ATP6V0A1: variants seen among roughly 807,000 people sequenced by gnomAD.
ATP6V0A1 encodes the protein ATPase H+ transporting V0 subunit a1.
ATP6V0A1 carries 43 observed loss-of-function variants against 105.4 expected under a neutral mutation model. The ratio of observed to expected loss-of-function variants is 0.41; its 90% CI spans 0.32 to 0.53. The LOEUF (loss-of-function observed/expected upper bound fraction) is 0.53, where lower values mean the gene tolerates loss of function less well. Ranked by LOEUF, ATP6V0A1 falls within the 20% of genes least tolerant of loss-of-function variation. The pLI is 0.30. For synonymous variants in ATP6V0A1, 362 were observed against 372.8 expected (o/e 0.97, Z 0.33); for missense variants, 676 against 1,051.1 (o/e 0.64, Z 4.93).
chr17:42,508,545 C>A (rs200867534), intron 18 of ATP6V0A1, 27 bp from the exon 19 acceptor site: 15 of 1,613,870 alleles, frequency 9.3e-6, no homozygotes, highest in Non-Finnish European at 1.1e-5. Context: ...CGTGGCTCCC[C>A]ACTAAGTGTA....
intron 19 of ATP6V0A1, chr17:42,510,273 T>TATG (rs1228769112): frequency 6.6e-6 from 1 of 152,120 alleles, no homozygotes; most frequent in Admixed American, 6.6e-5. Flanking sequence ...TGTCCAGCAC[T>TATG]ATGTATAGTG....
intron 17 of ATP6V0A1, 140 bp from the exon 18 acceptor site, chr17:42,507,380 C>G: frequency 1.6e-6 from 1 of 620,668 alleles, no homozygotes; most frequent in South Asian, 1.9e-5. Context: ...TTTTACTTAG[C>G]CGTTCAGTCA....
intron 2 of ATP6V0A1, among the ~76,000 whole-genome samples, chr17:42,465,167 T>A (rs1178054640): frequency 6.6e-6 from 1 of 151,866 alleles, no homozygotes; most frequent in Non-Finnish European, 1.5e-5. Flanking sequence ...TAATTTTTTG[T>A]ATTTTTAGTT....
intron 20 of ATP6V0A1, 45 bp from the exon 21 acceptor site, chr17:42,514,244 G>T (rs539531987): frequency 2.6e-6 from 4 of 1,540,590 alleles, no homozygotes; most frequent in Non-Finnish European, 2.6e-6. Context: ...GCCTACAGCT[G>T]CCTCTTGCCA....
chr17:42,495,292 G>C, intron 13 of ATP6V0A1, 104 bp downstream of exon 13: 1 of 1,237,188 alleles, frequency 8.1e-7, no homozygotes. Context: ...AGTGGTGACA[G>C]TGTCTCCTCA....
intron 11 of ATP6V0A1, among the ~76,000 whole-genome samples, chr17:42,494,069 C>A (rs959445968): frequency 6.6e-6 from 1 of 151,922 alleles, no homozygotes; most frequent in Non-Finnish European, 1.5e-5. Flanking sequence ...ATGGTGAAAC[C>A]CTGTCTCTAC....
At chr17:42,482,800 G>C (rs1428431366) in intron 8 of ATP6V0A1, among the ~76,000 whole-genome samples, 2 of 151,416 alleles carry the variant, frequency 1.3e-5, no homozygotes, top group Non-Finnish European at 2.9e-5. Flanking sequence ...GGAAGGCTGA[G>C]GCAGAAGAAT....
intron 5 of ATP6V0A1, among the ~76,000 whole-genome samples, chr17:42,474,634 A>G (rs1490014368): frequency 2.0e-5 from 3 of 152,184 alleles, no homozygotes; most frequent in African/African-American, 7.2e-5. Flanking sequence ...GGACCCTCAA[A>G]TGTTGGAAAC....
At chr17:42,501,895 G>A (rs1445883002) in intron 17 of ATP6V0A1, among the ~76,000 whole-genome samples, 7 of 152,118 alleles carry the variant, frequency 4.6e-5, no homozygotes, top group South Asian at 4.2e-4. Flanking sequence ...TTAGCCAAGC[G>A]TGTTGGCGCG....
intron 17 of ATP6V0A1, among the ~76,000 whole-genome samples, chr17:42,506,841 G>A (rs1197555970): frequency 6.6e-6 from 1 of 152,180 alleles, no homozygotes; most frequent in African/African-American, 2.4e-5. Context: ...CCCCATCAGC[G>A]TCTGCCCACG....
intron 2 of ATP6V0A1, among the ~76,000 whole-genome samples, chr17:42,464,429 G>A (rs755801754): frequency 4.6e-5 from 7 of 151,240 alleles, no homozygotes; most frequent in Non-Finnish European, 8.8e-5. Flanking sequence ...TTGAGACTGA[G>A]TCTAGTTCTG....
Position 42,478,470 on chromosome 17 carries a change from G to C in ATP6V0A1, c.514G>C (p.Ala172Pro), listed in dbSNP as rs2089049641. ...TGCCTCTTCTCCCCACAGCTTCGTG[G>C]CTGGTGTCATTAACCGGGAGCGCAT... ...RGTPLRLGFV[A>P]GVINRERIPT... The change falls in exon 7 of 22, where the codon GCT becomes CCT. Residue 172 changes from alanine to proline, a missense_variant. By Grantham distance (27) the Ala-to-Pro change is conservative. Around this residue, in one of 3 missense-constraint regions of ATP6V0A1, gnomAD observed 239 missense variants for 388.4 expected, o/e 0.62. Coordinates refer to ENST00000343619, the MANE Select transcript of ATP6V0A1 (RefSeq NM_001130021.3). The C allele has an allele frequency of 1.2e-6, 2 of 1,602,662 alleles. No individual in the cohort carries two copies. Among genetic ancestry groups the C allele is most frequent in the Non-Finnish European group, 1.7e-6 (2 of 1,173,190 alleles).
At chr17:42,473,394 A>C (rs182314099) in intron 5 of ATP6V0A1, among the ~76,000 whole-genome samples, 2 of 152,364 alleles carry the variant, frequency 1.3e-5, no homozygotes, top group Admixed American at 1.3e-4. Context: ...ATTGTGAGAC[A>C]CAAGATGAGT....
At chr17:42,498,783 G>C in intron 14 of ATP6V0A1, 141 bp from the exon 15 acceptor site, 1 of 526,502 alleles carries the variant, frequency 1.9e-6, no homozygotes. Flanking sequence ...CTGAGATCAC[G>C]CCACTGCACT....
At chr17:42,494,828 T>G in intron 12 of ATP6V0A1, 2 of 538,406 alleles carry the variant, frequency 3.7e-6, no homozygotes, top group South Asian at 8.4e-5. Flanking sequence ...CAGTAACTTT[T>G]GTGCCAACCT....
At position 42,478,217 on chromosome 17, in the gene ATP6V0A1, G is replaced by C. The variant is rs957093076; in HGVS notation, c.507-246G>C. Among the ~76,000 whole-genome samples, 3 of 127,440 alleles carry C rather than the reference G, an allele frequency of 2.4e-5. No homozygotes were observed. The South Asian group carries it at 9.0e-4, about 38-fold the overall frequency. The allele number at this position is 127,440 out of a possible 152,430, so 83.6% of individuals were successfully genotyped here. ...CACACACCGGGGCCTGTTGTGGGGT[G>C]GGGGGAGGGGGGAGGGAGAGCATTA... On this transcript the variant is annotated intron_variant, in intron 6 of 21. Transcript: ENST00000343619.
Position 42,513,952 on chromosome 17 carries a change from T to C in ATP6V0A1, c.2222T>C (p.Leu741Pro). 1 of 1,614,174 alleles carries C rather than the reference T, an allele frequency of 6.2e-7. No individual in the cohort carries two copies. Residue 741 changes from leucine (L) to proline (P), a missense_variant, in exon 20 of 22, where the codon CTC becomes CCC. Leu to Pro is a moderately conservative substitution (Grantham distance 98). Transcript: ENST00000343619. The part of the protein sequence containing the change: ...CISNTASYLR[L>P]WALSLAHAQL... ...TCCAACACTGCCTCCTACTTGCGGC[T>C]CTGGGCCCTCAGCCTCGCTCATGCG...
At chr17:42,464,966 G>T (rs2086864840) in intron 2 of ATP6V0A1, among the ~76,000 whole-genome samples, 1 of 151,704 alleles carries the variant, frequency 6.6e-6, no homozygotes, top group South Asian at 2.1e-4. Flanking sequence ...CTATTAGATT[G>T]CAAGCTTTTT....
At chr17:42,472,708 A>C (rs1007714372) in intron 5 of ATP6V0A1, among the ~76,000 whole-genome samples, 4 of 152,200 alleles carry the variant, frequency 2.6e-5, no homozygotes, top group Non-Finnish European at 4.4e-5. Flanking sequence ...TGGGCGAAAG[A>C]GCGAGACTCC....
Sources: allele counts gnomAD v4.1 joint callset (sites outside exome capture counted in the v4.1 genomes callset), GRCh38; gene constraint gnomAD v4.1.1; regional missense constraint gnomAD v4.1.1; transcripts MANE v1.5; gene names NCBI Gene and HGNC (gene_info 2026-07-23, HGNC 2026-07-21).